The following ATP8B4 variants were observed in gnomAD, a reference collection of about 807,000 sequenced individuals.
The protein encoded by ATP8B4 is ATPase phospholipid transporting 8B4 (putative).
A neutral mutation model predicts 145.6 loss-of-function variants in ATP8B4; 133 were observed. That is an observed-to-expected ratio of 0.91 (90% CI 0.79 to 1.05). The LOEUF (loss-of-function observed/expected upper bound fraction) is 1.05. Ranked by LOEUF, ATP8B4 falls within the 50% of genes least tolerant of loss-of-function variation. The probability of loss-of-function intolerance (pLI) is 0.00; values close to 1 mark genes in which losing one functional copy is unlikely to be tolerated. For synonymous variants in ATP8B4, 507 were observed against 492.9 expected (o/e 1.03, Z -0.38); for missense variants, 1,458 against 1,425.2 (o/e 1.02, Z -0.37).
intron 2 of ATP8B4, among the ~76,000 whole-genome samples, chr15:50,105,325 G>C (rs561213989): frequency 4.0e-5 from 6 of 150,386 alleles, no homozygotes; most frequent in African/African-American, 1.5e-4. Flanking sequence ...TATAGAAAAA[G>C]AGACAGACAG....
chr15:49,896,463 T>C (rs1451011204), intron 23 of ATP8B4: 4 of 152,338 alleles, frequency 2.6e-5, no homozygotes, highest in South Asian at 2.1e-4. Flanking sequence ...ATCACCTTCA[T>C]GCATATCGTT....
At chr15:49,981,113 G>C (rs1170580659) in intron 11 of ATP8B4, 93 bp downstream of exon 11, 1 of 1,072,180 alleles carries the variant, frequency 9.3e-7, no homozygotes, top group Non-Finnish European at 1.4e-6. Context: ...ACTCCACAAG[G>C]AGAATGTAGG....
chr15:50,018,566 C>G (rs2049283261), intron 6 of ATP8B4, among the ~76,000 whole-genome samples: 2 of 152,150 alleles, frequency 1.3e-5, no homozygotes, highest in African/African-American at 2.4e-5. Flanking sequence ...ATGAAGAATA[C>G]CTGCACTTCA....
At chr15:49,999,564 T>C (rs1413008700) in intron 8 of ATP8B4, among the ~76,000 whole-genome samples, 1 of 152,008 alleles carries the variant, frequency 6.6e-6, no homozygotes, top group Non-Finnish European at 1.5e-5. Flanking sequence ...AAAAAAAGTA[T>C]TTTCCAGGAC....
chr15:49,886,944 G>A (rs562768326), intron 23 of ATP8B4, among the ~76,000 whole-genome samples: 1 of 152,126 alleles, frequency 6.6e-6, no homozygotes, highest in Admixed American at 6.5e-5. Flanking sequence ...CGAGTAGCTG[G>A]GATTACAGGT....
intron 10 of ATP8B4, among the ~76,000 whole-genome samples, chr15:49,985,364 G>C: frequency 6.6e-6 from 1 of 152,122 alleles, no homozygotes; most frequent in Non-Finnish European, 1.5e-5. Context: ...CCAAAGTGCT[G>C]GGATTACAGG....
intron 2 of ATP8B4, among the ~76,000 whole-genome samples, chr15:50,100,716 G>C (rs2056300331): frequency 6.6e-6 from 1 of 152,146 alleles, no homozygotes; most frequent in Non-Finnish European, 1.5e-5. Flanking sequence ...ATTGTAACAA[G>C]TCCAAGAAGA....
intron 12 of ATP8B4, among the ~76,000 whole-genome samples, chr15:49,975,758 T>C (rs1218367622): frequency 6.6e-6 from 1 of 152,194 alleles, no homozygotes; most frequent in Non-Finnish European, 1.5e-5. Flanking sequence ...ATTATTCTTA[T>C]GGATTGACTA....
At chr15:50,072,395 T>C (rs1284594719) in intron 3 of ATP8B4, among the ~76,000 whole-genome samples, 1 of 152,170 alleles carries the variant, frequency 6.6e-6, no homozygotes, top group Non-Finnish European at 1.5e-5. Flanking sequence ...GGTAGCAACT[T>C]ACACAGAGTC....
chr15:49,941,247 G>T (rs2153477153), intron 14 of ATP8B4, among the ~76,000 whole-genome samples: 1 of 152,264 alleles, frequency 6.6e-6, no homozygotes, highest in African/African-American at 2.4e-5. Context: ...ATAGTAAAGG[G>T]TGTGAATCAA....
intron 3 of ATP8B4, among the ~76,000 whole-genome samples, chr15:50,067,795 T>C (rs2053480957): frequency 6.6e-6 from 1 of 152,184 alleles, no homozygotes; most frequent in South Asian, 2.1e-4. Flanking sequence ...CTGCCTACAC[T>C]AGCTTCTTCA....
At chr15:49,918,126 T>C (rs1041570680) in intron 19 of ATP8B4, among the ~76,000 whole-genome samples, 1 of 152,252 alleles carries the variant, frequency 6.6e-6, no homozygotes, top group Non-Finnish European at 1.5e-5. Context: ...TAGCCAAGCA[T>C]AAAATCATTT....
chr15:49,890,097 G>A (rs911223558), intron 23 of ATP8B4, among the ~76,000 whole-genome samples: 1 of 152,164 alleles, frequency 6.6e-6, no homozygotes, highest in Non-Finnish European at 1.5e-5. Flanking sequence ...CAGACTGTAG[G>A]TTCCTTGAGG....
At chr15:49,974,803 T>C (rs1376876332) in intron 12 of ATP8B4, among the ~76,000 whole-genome samples, 1 of 152,192 alleles carries the variant, frequency 6.6e-6, no homozygotes, top group Non-Finnish European at 1.5e-5. Context: ...AGATTTTACA[T>C]CACCATTTGT....
At chr15:50,110,502 T>A (rs2056886053) in intron 1 of ATP8B4, among the ~76,000 whole-genome samples, 1 of 152,208 alleles carries the variant, frequency 6.6e-6, no homozygotes, top group African/African-American at 2.4e-5. Flanking sequence ...AGTAAAGATC[T>A]AAGGAAATAG....
At chr15:49,937,718 A>G (rs73397002) in intron 14 of ATP8B4, among the ~76,000 whole-genome samples, 2,080 of 152,304 alleles carry the variant, frequency 0.014, 42 homozygotes, top group African/African-American at 0.048. Flanking sequence ...TGAAAAGACA[A>G]AAATATTAAA....
chr15:50,075,453 A>G (rs1312380900), intron 2 of ATP8B4, among the ~76,000 whole-genome samples: 1 of 151,798 alleles, frequency 6.6e-6, no homozygotes, highest in African/African-American at 2.4e-5. Context: ...GACAAATGAC[A>G]CTCTGTCTTT....
intron 2 of ATP8B4, among the ~76,000 whole-genome samples, chr15:50,090,089 A>C (rs1005576166): frequency 6.6e-6 from 1 of 152,202 alleles, no homozygotes; most frequent in Non-Finnish European, 1.5e-5. Flanking sequence ...GGAAGCCATT[A>C]TCCTCAGCAC....
chr15:50,076,446 T>C (rs928577844), intron 2 of ATP8B4, among the ~76,000 whole-genome samples: 1 of 150,536 alleles, frequency 6.6e-6, no homozygotes, highest in African/African-American at 2.5e-5. Flanking sequence ...GAGCCAAGAT[T>C]ACACCACTGC....
Sources: gnomAD v4.1 joint callset for allele counts (sites outside exome capture counted in the v4.1 genomes callset) on GRCh38, gnomAD v4.1.1 for gene constraint, MANE v1.5 for transcripts, NCBI Gene and HGNC (gene_info 2026-07-23, HGNC 2026-07-21) for gene names.